Variants in ABCC9 observed in about 807,000 individuals in gnomAD.
The protein encoded by ABCC9 is ATP binding cassette subfamily C member 9.
In ABCC9, 95 loss-of-function variants were observed where a neutral mutation model predicts 188.3. The ratio of observed to expected loss-of-function variants is 0.50; its 90% confidence interval spans 0.43 to 0.60. The LOEUF (loss-of-function observed/expected upper bound fraction) is 0.60, where lower values mean the gene tolerates loss of function less well. ABCC9 is among the 20% of genes least tolerant of loss of function. ABCC9 has a pLI of 0.00. For synonymous variants in ABCC9, 659 were observed against 652.7 expected, an observed-to-expected ratio of 1.01 and a Z score of -0.15; for missense variants, 1,102 against 1,876.3, an observed-to-expected ratio of 0.59 and a Z score of 7.62.
chr12:21,834,735 G>T (rs1592023059), intron 30 of ABCC9, among the ~76,000 whole-genome samples: 1 of 150,240 alleles, frequency 6.7e-6, no homozygotes, highest in South Asian at 2.1e-4. Context: ...TAAAAGAGGG[G>T]CTGAAAATGA....
At chr12:21,823,618 A>C (rs554361358) in intron 31 of ABCC9, among the ~76,000 whole-genome samples, 1 of 152,332 alleles carries the variant, frequency 6.6e-6, no homozygotes, top group East Asian at 1.9e-4. Context: ...ATTTTCTTTT[A>C]TCCTTCCACC....
At chr12:21,903,604 G>A (rs892328774) in intron 12 of ABCC9, among the ~76,000 whole-genome samples, 11 of 152,122 alleles carry the variant, frequency 7.2e-5, no homozygotes, top group African/African-American at 1.4e-4. Context: ...AAATCAATGT[G>A]CAAAAATCAC....
chr12:21,911,540 G>A (rs1200163755), intron 8 of ABCC9, among the ~76,000 whole-genome samples: 5 of 151,902 alleles, frequency 3.3e-5, no homozygotes, highest in South Asian at 2.1e-4. Context: ...GTAGGAATAC[G>A]ACTGAATTCA....
chr12:21,844,530 C>T lies in ABCC9; in HGVS notation c.3268G>A (p.Gly1090Arg), dbSNP rs1263227987. The stretch of plus-strand genomic sequence containing the variant: ...GCTGAAAAGCGATTGAGAATCAGTC[C>T]CAGGGGTGTGGTATCAAAAAACCTA... ...PIRFFDTTPL[G>R]LILNRFSADT... Residue 1090 changes from glycine (G) to arginine (R), a missense_variant, in exon 28 of 40, where the codon GGA becomes AGA. By Grantham distance (125) the Gly-to-Arg change is moderately radical. This residue lies in a region of ABCC9 where 74 missense variants were observed against 132.7 expected (regional missense o/e 0.56). Transcript: ENST00000261200. The T allele has an allele frequency of 6.2e-7, 1 of 1,613,424 alleles. No homozygotes were observed. The highest frequency in any genetic ancestry group is 8.5e-7 in the Non-Finnish European group (1 of 1,179,696).
intron 15 of ABCC9, among the ~76,000 whole-genome samples, chr12:21,887,266 A>C (rs1004349118): frequency 6.6e-6 from 1 of 152,194 alleles, no homozygotes; most frequent in African/African-American, 2.4e-5. Context: ...TGGATAAATG[A>C]ACTGGTCTAC....
chr12:21,868,301 C>G (rs1034020374), intron 18 of ABCC9, among the ~76,000 whole-genome samples: 1 of 152,136 alleles, frequency 6.6e-6, no homozygotes, highest in Non-Finnish European at 1.5e-5. Flanking sequence ...GGTCAGAGTA[C>G]TTTACTCGAT....
intron 12 of ABCC9, among the ~76,000 whole-genome samples, chr12:21,900,765 A>C (rs915442378): frequency 3.3e-5 from 5 of 152,196 alleles, no homozygotes; most frequent in Non-Finnish European, 7.3e-5. Flanking sequence ...AAAAAGAGTA[A>C]AAAGAAAAGA....
chr12:21,833,680 C>T lies in ABCC9; in HGVS notation c.3566+4398G>A, dbSNP rs549940193. On this transcript the variant is annotated intron_variant, in intron 30 of 39. Transcript: ENST00000261200. ...GTTATATGTTGAACTCATCAACTTC[C>T]TGTTGTTTCACCTGCCAGTTTTCCT... 5.9e-5 allele frequency among the ~76,000 whole-genome samples: 9 copies of T among 152,202 alleles called. No individual in the cohort carries two copies. In the South Asian group the frequency reaches 1.9e-3, roughly 32 times the overall value.
intron 20 of ABCC9, 89 bp downstream of exon 20, chr12:21,862,863 TA>T: frequency 1.2e-6 from 1 of 857,424 alleles, no homozygotes; most frequent in Non-Finnish European, 2.0e-6. Context: ...ATACCAGATG[TA>T]AAGGTTCCAG....
chr12:21,902,276 T>C (rs1947799697), intron 12 of ABCC9, among the ~76,000 whole-genome samples: 1 of 152,082 alleles, frequency 6.6e-6, no homozygotes, highest in Non-Finnish European at 1.5e-5. Context: ...CATACCAGAA[T>C]CTCTGGGACA....
intron 28 of ABCC9, among the ~76,000 whole-genome samples, chr12:21,844,142 A>G (rs1944515257): frequency 6.6e-6 from 1 of 152,238 alleles, no homozygotes; most frequent in African/African-American, 2.4e-5. Context: ...GAAATTCTGC[A>G]TGAATACTAA....
intron 30 of ABCC9, among the ~76,000 whole-genome samples, chr12:21,830,148 T>A (rs1429006576): frequency 6.6e-6 from 1 of 152,214 alleles, no homozygotes; most frequent in African/African-American, 2.4e-5. Context: ...GTGTAACCTA[T>A]TTTATAAATA....
chr12:21,829,134 A>G, intron 30 of ABCC9, 74 bp from the exon 31 acceptor site: 4 of 968,448 alleles, frequency 4.1e-6, no homozygotes, highest in Admixed American at 3.6e-5. Context: ...TTATTACTAC[A>G]CTATTTACTC....
At chr12:21,915,587 A>C in intron 7 of ABCC9, 81 bp downstream of exon 7, 1 of 1,518,974 alleles carries the variant, frequency 6.6e-7, no homozygotes, top group Non-Finnish European at 8.9e-7. Flanking sequence ...ATCCTGGCTC[A>C]CTGCAAGCTC....
intron 2 of ABCC9, among the ~76,000 whole-genome samples, 198 bp downstream of exon 2, chr12:21,940,512 G>A (rs529589011): frequency 6.6e-6 from 1 of 152,230 alleles, no homozygotes; most frequent in African/African-American, 2.4e-5. Flanking sequence ...GATCCAAGTG[G>A]GAAAATCACT....
rs1948126656 is a variant in ABCC9 at position 21,908,070 on chromosome 12, T to C, written c.1455+7A>G. 3 of 1,611,956 alleles carry C rather than the reference T, an allele frequency of 1.9e-6. No individual in the cohort carries two copies. The highest frequency in any genetic ancestry group is 4.5e-5 in the East Asian group (2 of 44,814). On this transcript the variant is annotated splice_region_variant and intron_variant, in intron 11 of 39. Coordinates refer to ENST00000261200, the MANE Select transcript of ABCC9 (RefSeq NM_020297.4). The stretch of plus-strand genomic sequence containing the variant: ...TTGTAATTAAGTTTCCAAAAGATGT[T>C]ACTTACAAGTGTACTTTTCTGAGCC...
At position 21,844,842 on chromosome 12, in the gene ABCC9, A is replaced by G; in HGVS notation, c.3170T>C (p.Val1057Ala). 6.2e-7 allele frequency: 1 copy of G among 1,613,996 alleles called. No individual in the cohort carries two copies. Among genetic ancestry groups the G allele is most frequent in the Non-Finnish European group, 8.5e-7 (1 of 1,179,876 alleles). ...IFLCLVTSLT[V>A]EWMGLTAAKN... ...GGCAGCTGTGAGACCCATCCATTCT[A>G]CAGTGAGGGATGTAACAAGGCAAAG... The change falls in exon 27 of 40, where the codon GTA (valine) becomes GCA (alanine). Residue 1057 changes from valine (V) to alanine (A), a missense_variant. Val to Ala is a moderately conservative substitution (Grantham distance 64, BLOSUM62 0). Around this residue, in one of 12 missense-constraint regions of ABCC9, gnomAD observed 74 missense variants for 132.7 expected, o/e 0.56. Coordinates refer to ENST00000261200, the MANE Select transcript of ABCC9 (RefSeq NM_020297.4).
At chr12:21,877,454 A>G (rs1052138560) in intron 16 of ABCC9, among the ~76,000 whole-genome samples, 5 of 152,212 alleles carry the variant, frequency 3.3e-5, no homozygotes, top group Non-Finnish European at 7.3e-5. Context: ...GAAATGATGA[A>G]TAGAGCTAGC....
rs748849557 is a variant in ABCC9, at chr12:21,829,265, G to A, written c.3567-205C>T. ...TGCCCAGGCTGGAGTGCAGTGGCGC[G>A]ATCTCGGCTCACTGCAAGCTCCGCC... On this transcript the variant is annotated intron_variant, in intron 30 of 39. Transcript: ENST00000261200. Among the ~76,000 whole-genome samples, 9 of 131,586 alleles carry A rather than the reference G, an allele frequency of 6.8e-5. No homozygotes were observed. The South Asian group carries it at 1.1e-3, about 15-fold the overall frequency. The allele number at this position is 131,586 out of a possible 152,430, so 86.3% of individuals were successfully genotyped here. A position where few individuals can be genotyped will look rare whatever the true frequency, so the allele number is the denominator to read the frequency against.
Sources: allele counts gnomAD v4.1 joint callset (sites outside exome capture counted in the v4.1 genomes callset), GRCh38; gene constraint gnomAD v4.1.1; regional missense constraint gnomAD v4.1.1; transcripts MANE v1.5; gene names NCBI Gene and HGNC (gene_info 2026-07-23, HGNC 2026-07-21).